Variants in ASIC2 observed in about 807,000 individuals in gnomAD.
The protein encoded by ASIC2 is acid sensing ion channel subunit 2, also known as acid-sensing ion channel 2.
A neutral mutation model predicts 57.3 loss-of-function variants in ASIC2; 25 were observed. The ratio of observed to expected loss-of-function variants is 0.44; its 90% CI spans 0.32 to 0.61. The LOEUF is 0.61. Among genes scored for constraint, ASIC2 ranks in the 20% least tolerant of loss-of-function variants. ASIC2 has a pLI of 0.06. For missense variants in ASIC2, 641 were observed against 738.1 expected, an observed-to-expected ratio of 0.87 and a Z score of 1.52; for synonymous variants, 319 against 307.5, an observed-to-expected ratio of 1.04 and a Z score of -0.39.
At chr17:33,657,999 C>G (rs544667437) in intron 1 of ASIC2, among the ~76,000 whole-genome samples, 2 of 152,278 alleles carry the variant, frequency 1.3e-5, no homozygotes, top group South Asian at 4.1e-4. Context: ...TGCCCTCTGC[C>G]TACTACAATA....
Position 33,083,010 on chromosome 17 carries a change from C to T in ASIC2, c.987+5853G>A, listed in dbSNP as rs550185694. On this transcript the variant is annotated intron_variant, in intron 3 of 9. Transcript: ENST00000225823. ...TTGATTAGCTTGTCTAAGCCAGAAA[C>T]GATATGAATATATCATCCATCACAG... is the stretch of plus-strand genomic sequence containing the variant. Among the ~76,000 whole-genome samples the T allele has an allele frequency of 5.9e-5, 9 of 152,250 alleles. 1 individual carries two copies. In the South Asian group the frequency reaches 1.9e-3, roughly 32 times the overall value.
chr17:34,085,051 C>T (rs1215209000), intron 1 of ASIC2, among the ~76,000 whole-genome samples: 24 of 152,110 alleles, frequency 1.6e-4, no homozygotes, highest in Non-Finnish European at 3.2e-4. Flanking sequence ...GCCTAATTGC[C>T]GTGGCCAGAA....
chr17:33,838,091 G>A (rs1913326391), intron 1 of ASIC2, among the ~76,000 whole-genome samples: 1 of 152,164 alleles, frequency 6.6e-6, no homozygotes, highest in African/African-American at 2.4e-5. Context: ...AGAATTTGAA[G>A]CAGTAGTTTT....
At chr17:33,764,461 A>C (rs1255136393) in intron 1 of ASIC2, among the ~76,000 whole-genome samples, 4 of 152,148 alleles carry the variant, frequency 2.6e-5, no homozygotes, top group African/African-American at 9.7e-5. Flanking sequence ...AATAAAGAAA[A>C]AGAATTTGTT....
chr17:33,765,236 G>T (rs977250276), intron 1 of ASIC2, among the ~76,000 whole-genome samples: 1 of 152,078 alleles, frequency 6.6e-6, no homozygotes, highest in Non-Finnish European at 1.5e-5. Context: ...CTCCCGAGTA[G>T]CTGGGACTAC....
At chr17:34,071,189 G>A (rs1030136307) in intron 1 of ASIC2, 1 of 152,134 alleles carries the variant, frequency 6.6e-6, no homozygotes, top group African/African-American at 2.4e-5. Context: ...GTAGAATAGA[G>A]TAGATAAGTG....
At chr17:33,291,149 TG>T (rs1905419056) in intron 1 of ASIC2, 1 of 652,952 alleles carries the variant, frequency 1.5e-6, no homozygotes, top group South Asian at 3.4e-5. Context: ...ATGAGGGCTT[TG>T]GGGGCTGACA....
chr17:33,671,802 T>C (rs1907646878), intron 1 of ASIC2, among the ~76,000 whole-genome samples: 1 of 152,196 alleles, frequency 6.6e-6, no homozygotes, highest in African/African-American at 2.4e-5. Flanking sequence ...ATGCTTTTAT[T>C]AGGAACCTGA....
At chr17:34,141,048 G>GC (rs1912258831) in intron 1 of ASIC2, among the ~76,000 whole-genome samples, 1 of 152,116 alleles carries the variant, frequency 6.6e-6, no homozygotes, top group Admixed American at 6.5e-5. Flanking sequence ...TGAGAATTCT[G>GC]CATCAGTTTT....
intron 1 of ASIC2, among the ~76,000 whole-genome samples, chr17:33,412,047 C>A (rs947382785): frequency 4.0e-5 from 6 of 150,402 alleles, no homozygotes; most frequent in Non-Finnish European, 6.0e-5. Flanking sequence ...AAACAAAACA[C>A]AACCAAAAAC....
At chr17:33,753,650 G>A (rs746275377) in intron 1 of ASIC2, among the ~76,000 whole-genome samples, 29 of 152,188 alleles carry the variant, frequency 1.9e-4, no homozygotes, top group African/African-American at 6.8e-4. Flanking sequence ...TAAGGAAATC[G>A]GAAGTGAGAT....
intron 1 of ASIC2, among the ~76,000 whole-genome samples, chr17:34,036,129 C>T (rs897536680): frequency 5.9e-5 from 9 of 152,068 alleles, no homozygotes; most frequent in African/African-American, 2.2e-4. Context: ...ACCTAAATGT[C>T]CAACAACGAT....
chr17:33,920,685 C>A (rs766005995), intron 1 of ASIC2, among the ~76,000 whole-genome samples: 1 of 152,190 alleles, frequency 6.6e-6, no homozygotes, highest in Non-Finnish European at 1.5e-5. Flanking sequence ...AACAAACCTG[C>A]ACATGTACCC....
At chr17:33,159,380 G>A (rs936929955) in intron 1 of ASIC2, among the ~76,000 whole-genome samples, 3 of 151,988 alleles carry the variant, frequency 2.0e-5, no homozygotes, top group African/African-American at 7.3e-5. Flanking sequence ...TGGGACAGAT[G>A]AGCAGGAGGC....
At chr17:33,884,636 T>A (rs1008812123) in intron 1 of ASIC2, among the ~76,000 whole-genome samples, 2 of 152,052 alleles carry the variant, frequency 1.3e-5, no homozygotes, top group Non-Finnish European at 1.5e-5. Context: ...CACTACCCCC[T>A]TAGCTTCCCA....
intron 1 of ASIC2, among the ~76,000 whole-genome samples, chr17:33,236,875 C>T (rs1192240669): frequency 6.6e-6 from 1 of 152,136 alleles, no homozygotes. Context: ...TTCCTTAGAG[C>T]CCTCAGAGGA....
At chr17:33,736,579 A>G (rs1394203977) in intron 1 of ASIC2, among the ~76,000 whole-genome samples, 3 of 152,162 alleles carry the variant, frequency 2.0e-5, no homozygotes, top group African/African-American at 4.8e-5. Context: ...CTCTGTGATG[A>G]TTCACTGACT....
chr17:33,346,718 G>A (rs1057409535), intron 1 of ASIC2, among the ~76,000 whole-genome samples: 1 of 152,178 alleles, frequency 6.6e-6, no homozygotes, highest in African/African-American at 2.4e-5. Context: ...GGAGTTGTTT[G>A]CATGTAGATT....
intron 1 of ASIC2, among the ~76,000 whole-genome samples, chr17:33,245,216 G>A (rs945888092): frequency 6.6e-6 from 1 of 152,140 alleles, no homozygotes; most frequent in African/African-American, 2.4e-5. Context: ...TGCTGTCTTT[G>A]AGAAACTCAT....
Sources: gnomAD v4.1 joint callset for allele counts (sites outside exome capture counted in the v4.1 genomes callset) on GRCh38, gnomAD v4.1.1 for gene constraint, MANE v1.5 for transcripts, NCBI Gene and HGNC (gene_info 2026-07-23, HGNC 2026-07-21) for gene names.